IL1RAPL2: variants seen among roughly 807,000 people sequenced by gnomAD.
IL1RAPL2 encodes the protein interleukin 1 receptor accessory protein like 2, also known as X-linked interleukin-1 receptor accessory protein-like 2.
In IL1RAPL2, 3 loss-of-function variants were observed where a neutral mutation model predicts 44.1. The ratio of observed to expected loss-of-function variants is 0.07; its 90% CI spans 0.03 to 0.18. The LOEUF (loss-of-function observed/expected upper bound fraction) is 0.18, where lower values mean the gene tolerates loss of function less well. Ranked by LOEUF, IL1RAPL2 falls within the 10% of genes least tolerant of loss-of-function variation. The pLI is 1.00. For missense variants in IL1RAPL2, 391 were observed against 496.4 expected (o/e 0.79, Z 2.02); for synonymous variants, 181 against 178.8 (o/e 1.01, Z -0.10).
intron 3 of IL1RAPL2, among the ~76,000 whole-genome samples, chrX:105,229,563 A>G (rs1056492318): frequency 6.3e-5 from 7 of 111,969 alleles, no homozygotes; most frequent in Non-Finnish European, 5.6e-5. Flanking sequence ...GGAAGGACAC[A>G]CTTCCTCCTT....
At chrX:105,060,116 T>G (rs75259068) in intron 2 of IL1RAPL2, among the ~76,000 whole-genome samples, 2,001 of 111,585 alleles carry the variant, frequency 0.018, 52 homozygotes, top group African/African-American at 0.062. Context: ...CAGCATTCAT[T>G]ATTATCTTGT....
At chrX:105,241,102 G>A (rs1048534916) in intron 4 of IL1RAPL2, among the ~76,000 whole-genome samples, 11 of 111,494 alleles carry the variant, frequency 9.9e-5, no homozygotes, top group African/African-American at 3.3e-4. Flanking sequence ...TGCTTCCCAT[G>A]TAACTTAATA....
chrX:105,528,368 C>A (rs1325408604), intron 6 of IL1RAPL2, among the ~76,000 whole-genome samples: 1 of 111,601 alleles, frequency 9.0e-6, no homozygotes, highest in African/African-American at 3.2e-5. Flanking sequence ...GAATTTAGAG[C>A]ATTTGACTCC....
At chrX:105,221,145 T>C (rs1332092495) in intron 3 of IL1RAPL2, among the ~76,000 whole-genome samples, 2 of 111,566 alleles carry the variant, frequency 1.8e-5, no homozygotes, top group African/African-American at 6.5e-5. Flanking sequence ...GGGCAAAAGA[T>C]TATCCCAACT....
At chrX:105,167,551 A>G (rs903896763) in intron 2 of IL1RAPL2, among the ~76,000 whole-genome samples, 1 of 111,302 alleles carries the variant, frequency 9.0e-6, no homozygotes, top group African/African-American at 3.3e-5. Flanking sequence ...CCATTCCCAA[A>G]AAAAGGCAGT....
intron 5 of IL1RAPL2, among the ~76,000 whole-genome samples, chrX:105,339,052 A>G (rs1438852874): frequency 8.9e-6 from 1 of 111,936 alleles, no homozygotes; most frequent in Admixed American, 9.5e-5. Context: ...GCAGTGAGCC[A>G]ATATGGCACC....
At chrX:105,474,811 TA>T (rs1475028051) in intron 5 of IL1RAPL2, among the ~76,000 whole-genome samples, 5 of 111,044 alleles carry the variant, frequency 4.5e-5, no homozygotes, top group East Asian at 2.8e-4. Flanking sequence ...TTTATTTATT[TA>T]TTTTTTTTGG....
intron 2 of IL1RAPL2, among the ~76,000 whole-genome samples, chrX:104,939,508 T>G (rs2147701724): frequency 8.9e-6 from 1 of 112,188 alleles, no homozygotes; most frequent in South Asian, 3.7e-4. Flanking sequence ...CCCAACTTTT[T>G]ATTTTCTTAT....
At position 105,195,227 on chromosome X, in the gene IL1RAPL2, A is replaced by C. The variant is rs782296995; in HGVS notation, c.83-248A>C. On this transcript the variant is annotated intron_variant, in intron 2 of 10. Coordinates refer to ENST00000372582, the MANE Select transcript of IL1RAPL2 (RefSeq NM_017416.2). ...GCATGAGTTCTGGAGCTCCTTGAAG[A>C]ATCTGGTCCACCCCAAGCAGAAGGT... Among the ~76,000 whole-genome samples the C allele has an allele frequency of 1.6e-4, 17 of 107,892 alleles. No individual in the cohort carries two copies. In the South Asian group the frequency reaches 6.4e-3, roughly 41 times the overall value. The allele number at this position is 107,892 out of a possible 115,157, so 93.7% of individuals were successfully genotyped here. A position where few individuals can be genotyped will look rare whatever the true frequency, so the allele number is the denominator to read the frequency against.
intron 2 of IL1RAPL2, among the ~76,000 whole-genome samples, chrX:104,940,708 T>G (rs1433871880): frequency 9.0e-6 from 1 of 111,058 alleles, no homozygotes; most frequent in Non-Finnish European, 1.9e-5. Context: ...CTTCTTTTTT[T>G]TTTTACATTG....
intron 2 of IL1RAPL2, among the ~76,000 whole-genome samples, chrX:104,952,523 T>A (rs1044968281): frequency 1.8e-5 from 2 of 112,189 alleles, no homozygotes; most frequent in African/African-American, 6.5e-5. Flanking sequence ...AAAAGAAACA[T>A]TAACACACAA....
At chrX:104,602,843 A>G (rs773641485) in intron 1 of IL1RAPL2, among the ~76,000 whole-genome samples, 28 of 111,601 alleles carry the variant, frequency 2.5e-4, no homozygotes, top group Admixed American at 4.7e-4. Flanking sequence ...ACTTATAGAT[A>G]AAATTCCCAT....
chrX:104,727,360 A>C (rs955603455), intron 2 of IL1RAPL2, among the ~76,000 whole-genome samples: 14 of 111,381 alleles, frequency 1.3e-4, no homozygotes, highest in Admixed American at 2.9e-4. Context: ...ATAATCAGAA[A>C]ATGCCAATTA....
intron 2 of IL1RAPL2, among the ~76,000 whole-genome samples, chrX:104,679,414 A>G (rs1202325316): frequency 3.6e-5 from 4 of 112,021 alleles, no homozygotes; most frequent in Non-Finnish European, 1.9e-5. Flanking sequence ...CTTAGAAGGT[A>G]TGAACACTGA....
intron 2 of IL1RAPL2, among the ~76,000 whole-genome samples, chrX:104,857,187 C>T (rs1339112020): frequency 8.9e-6 from 1 of 111,831 alleles, no homozygotes; most frequent in Non-Finnish European, 1.9e-5. Flanking sequence ...ACTCTGGAGG[C>T]CAGAACCCCT....
chrX:105,633,946 G>A (rs1330828677), intron 6 of IL1RAPL2, among the ~76,000 whole-genome samples: 3 of 110,895 alleles, frequency 2.7e-5, no homozygotes, highest in East Asian at 5.8e-4. Flanking sequence ...TTTATTTTAT[G>A]ATTTTGCCTA....
intron 2 of IL1RAPL2, among the ~76,000 whole-genome samples, chrX:104,986,385 G>A (rs2030561119): frequency 8.9e-6 from 1 of 112,194 alleles, no homozygotes. Flanking sequence ...ATAAACTTTA[G>A]CTATTGTTAT....
intron 6 of IL1RAPL2, among the ~76,000 whole-genome samples, chrX:105,623,401 T>C (rs754105070): frequency 5.4e-5 from 6 of 110,522 alleles, no homozygotes; most frequent in African/African-American, 2.0e-4. Flanking sequence ...AAAACTGTTT[T>C]AAAAAATCCT....
chrX:105,264,454 A>T (rs961880068), intron 4 of IL1RAPL2, among the ~76,000 whole-genome samples: 1 of 111,757 alleles, frequency 8.9e-6, no homozygotes. Flanking sequence ...AGAAGTAATG[A>T]CAGCAGTAAG....
Sources: gnomAD v4.1 joint callset for allele counts (sites outside exome capture counted in the v4.1 genomes callset) on GRCh38, gnomAD v4.1.1 for gene constraint, MANE v1.5 for transcripts, NCBI Gene and HGNC (gene_info 2026-07-23, HGNC 2026-07-21) for gene names.